PLBD2: variants seen among roughly 807,000 people sequenced by gnomAD.
PLBD2 encodes putative aminopeptidase PLBD2.
A neutral mutation model predicts 68.3 loss-of-function variants in PLBD2; 51 were observed. That is an observed-to-expected ratio of 0.75 (90% CI 0.60 to 0.94). The LOEUF (loss-of-function observed/expected upper bound fraction) is 0.94. Among genes scored for constraint, PLBD2 ranks in the 40% least tolerant of loss-of-function variants. The pLI is 0.00. For synonymous variants in PLBD2, 314 were observed against 339.3 expected (o/e 0.93, Z 0.82); for missense variants, 729 against 792.2 (o/e 0.92, Z 0.96).
In PLBD2 at chr12:113,388,832, G is replaced by A. The variant is rs1301616394; in HGVS notation, c.*206G>A. On this transcript the variant is annotated 3_prime_UTR_variant, in exon 12 of 12. Transcript: ENST00000280800. ...CTCTCCCCCGAGGTGGGTGGGCACC[G>A]TGGCGTCTCTTCTGCCCTGCCCTAA... 7.9e-6 allele frequency: 4 copies of A among 506,066 alleles called. No individual in the cohort carries two copies. Among genetic ancestry groups the A allele is most frequent in the African/African-American group, 2.0e-5 (1 of 50,048 alleles). 31.3% of individuals were successfully genotyped at this position (506,066 alleles called of 1,614,324 possible). A position where few individuals can be genotyped will look rare whatever the true frequency, so the allele number is the denominator to read the frequency against.
chr12:113,365,924 C>CA (rs1458416746), intron 1 of PLBD2, among the ~76,000 whole-genome samples: 1 of 152,204 alleles, frequency 6.6e-6, no homozygotes, highest in Non-Finnish European at 1.5e-5. Context: ...AACCCCTTGA[C>CA]ACTTTATTCG....
At chr12:113,365,262 C>T (rs548126858) in intron 1 of PLBD2, among the ~76,000 whole-genome samples, 2 of 152,228 alleles carry the variant, frequency 1.3e-5, no homozygotes, top group South Asian at 4.1e-4. Context: ...TATGTGGGAG[C>T]CTCGGTTCCC....
chr12:113,361,275 G>A (rs1440272337), intron 1 of PLBD2, among the ~76,000 whole-genome samples: 1 of 149,074 alleles, frequency 6.7e-6, no homozygotes, highest in Non-Finnish European at 1.5e-5. Flanking sequence ...GGATTATCAG[G>A]ATAAATTCTC....
At position 113,388,866 on chromosome 12, in the gene PLBD2, C is replaced by T. The variant is rs897610192; in HGVS notation, c.*240C>T. 2 of 417,156 alleles carry T rather than the reference C, an allele frequency of 4.8e-6. No individual in the cohort carries two copies. Among genetic ancestry groups the T allele is most frequent in the Non-Finnish European group, 8.4e-6 (2 of 237,482 alleles). 25.8% of individuals were successfully genotyped at this position (417,156 alleles called of 1,614,324 possible). ...CTTCTGCCCTGCCCTAAATCTCCCA[C>T]TCTCTGTTTCTGTCTGTTTCCTACT... On this transcript the variant is annotated 3_prime_UTR_variant, in exon 12 of 12. Coordinates refer to ENST00000280800, the MANE Select transcript of PLBD2 (RefSeq NM_173542.4).
At chr12:113,382,838 TG>T (rs1565863956) in intron 6 of PLBD2, among the ~76,000 whole-genome samples, 1,105 of 98,200 alleles carry the variant, frequency 0.011, 15 homozygotes, top group Middle Eastern at 0.042. Flanking sequence ...TGGTTTTTTG[TG>T]TGTGTGTGTG....
chr12:113,368,592 G>A (rs898652780), intron 1 of PLBD2, among the ~76,000 whole-genome samples: 10 of 152,202 alleles, frequency 6.6e-5, no homozygotes, highest in African/African-American at 2.4e-4. Flanking sequence ...CCCAAATGAA[G>A]GAGCAGGGAA....
At position 113,388,539 on chromosome 12, in the gene PLBD2, G is replaced by A. The variant is rs552412790; in HGVS notation, c.1683G>A (p.Gln561=). 2.5e-6 allele frequency: 4 copies of A among 1,611,676 alleles called. No homozygotes were observed. The South Asian group carries it at 4.4e-5, about 18-fold the overall frequency. ...GPTWDQVPPF[Q]WSTSPFSGLL... is the part of the protein sequence containing the mutation. Reference sequence around the variant, plus strand: ...CGTGGGACCAGGTGCCCCCGTTCCAGTGGAGCACCTCGCCCTTCAGCGGCC... The same window carrying A: ...CGTGGGACCAGGTGCCCCCGTTCCAATGGAGCACCTCGCCCTTCAGCGGCC... The change falls in exon 12 of 12, where the codon CAG becomes CAA. Residue 561 remains glutamine (Q), a synonymous_variant. Transcript: ENST00000280800.
At chr12:113,365,442 T>A (rs1221251761) in intron 1 of PLBD2, among the ~76,000 whole-genome samples, 2 of 151,302 alleles carry the variant, frequency 1.3e-5, no homozygotes, top group Non-Finnish European at 2.9e-5. Flanking sequence ...GTCACCAGAG[T>A]AGCTGGGACT....
chr12:113,388,298 C>T (rs1957573724), intron 11 of PLBD2, among the ~76,000 whole-genome samples, 161 bp from the exon 12 acceptor site: 1 of 151,604 alleles, frequency 6.6e-6, no homozygotes, highest in South Asian at 2.1e-4. Context: ...GCCAAGATCA[C>T]GTCACTGCAC....
chr12:113,381,496 G>A (rs1565863490), intron 6 of PLBD2, among the ~76,000 whole-genome samples: 1 of 152,236 alleles, frequency 6.6e-6, no homozygotes, highest in East Asian at 1.9e-4. Context: ...CACCCTTAGC[G>A]CAGAGAACGC....
chr12:113,384,345 G>T lies in PLBD2; in HGVS notation c.1118+80G>T. The stretch of plus-strand genomic sequence containing the variant: ...CCCCTTTAACACTCACACTCCTGGG[G>T]ACCAGATGTGGCATCCGGGCCACAC... On this transcript the variant is annotated intron_variant, in intron 7 of 11. Coordinates refer to ENST00000280800, the MANE Select transcript of PLBD2 (RefSeq NM_173542.4). The surrounding 1 kb of genome is among the most constrained non-coding windows in gnomAD (Gnocchi z 4.2). 6.7e-7 allele frequency: 1 copy of T among 1,499,118 alleles called. No individual in the cohort carries two copies. The highest frequency in any genetic ancestry group is 2.3e-5 in the East Asian group (1 of 43,690). The allele number at this position is 1,499,118 out of a possible 1,614,324, so 92.9% of individuals were successfully genotyped here. A position where few individuals can be genotyped will look rare whatever the true frequency, so the allele number is the denominator to read the frequency against.
intron 1 of PLBD2, among the ~76,000 whole-genome samples, chr12:113,361,341 G>GTTTTTTT (rs1371619529): frequency 9.0e-6 from 1 of 110,854 alleles, no homozygotes; most frequent in Non-Finnish European, 1.9e-5. Flanking sequence ...TTTTTTTTTT[G>GTTTTTTT]TTTTTTTTTT....
intron 1 of PLBD2, chr12:113,359,594 G>A (rs1369714680): frequency 6.6e-6 from 1 of 152,232 alleles, no homozygotes; most frequent in Non-Finnish European, 1.5e-5. Context: ...TCTGATGTGT[G>A]AGTCTCACCT....
Position 113,375,151 on chromosome 12 carries a change from T to A in PLBD2, c.859+144T>A, listed in dbSNP as rs1004572948. The A allele has an allele frequency of 5.1e-6, 4 of 782,030 alleles. No individual in the cohort carries two copies. In the East Asian group the frequency reaches 1.1e-4, roughly 21 times the overall value. The allele number at this position is 782,030 out of a possible 1,614,324, so 48.4% of individuals were successfully genotyped here. On this transcript the variant is annotated intron_variant, in intron 5 of 11. Transcript: ENST00000280800. ...ATTCCAAGAGTTCATTTTGGTTTTGTTTTTTTCTTTTTGAGTTGGGGTCTT... is the reference window on the plus strand; with the variant it reads ...ATTCCAAGAGTTCATTTTGGTTTTGATTTTTTCTTTTTGAGTTGGGGTCTT...
chr12:113,375,005 G>C lies in PLBD2; in HGVS notation c.857G>C (p.Trp286Ser). ...TGGCTCCAGTTCCGGGAAGGCCCCTGGGGTAGGTGGGTGTGGGTGTGTCTG... is the reference window on the plus strand; with the variant it reads ...TGGCTCCAGTTCCGGGAAGGCCCCTCGGGTAGGTGGGTGTGGGTGTGTCTG... ...KYWLQFREGP[W>S]GDYPLVPGNK... Residue 286 changes from tryptophan (W) to serine (S), a missense_variant and splice_region_variant, in exon 5 of 12, where the codon TGG becomes TCG. By Grantham distance (177) the Trp-to-Ser change is radical. Coordinates refer to ENST00000280800, the MANE Select transcript of PLBD2 (RefSeq NM_173542.4). The C allele has an allele frequency of 6.2e-7, 1 of 1,613,990 alleles. No homozygotes were observed. Among genetic ancestry groups the C allele is most frequent in the Non-Finnish European group, 8.5e-7 (1 of 1,179,974 alleles).
chr12:113,366,656 C>T (rs1046162688), intron 1 of PLBD2, among the ~76,000 whole-genome samples: 9 of 151,626 alleles, frequency 5.9e-5, no homozygotes, highest in Non-Finnish European at 7.4e-5. Context: ...TAAATTATTT[C>T]GTGTAGACAG....
chr12:113,374,386 C>T, intron 3 of PLBD2, 88 bp from the exon 4 acceptor site: 1 of 921,206 alleles, frequency 1.1e-6, no homozygotes, highest in Non-Finnish European at 1.7e-6. Flanking sequence ...TGTCTGAACC[C>T]CCAGGCCAGA....
chr12:113,364,642 G>A (rs1957326535), intron 1 of PLBD2, among the ~76,000 whole-genome samples: 1 of 151,838 alleles, frequency 6.6e-6, no homozygotes, highest in African/African-American at 2.4e-5. Flanking sequence ...TGTATTTTTT[G>A]TAGAGAGGGG....
chr12:113,387,906 G>A lies in PLBD2; in HGVS notation c.1602G>A (p.Lys534=). Residue 534 remains lysine, a splice_region_variant and synonymous_variant, in exon 11 of 12, where the codon AAG becomes AAA. Coordinates refer to ENST00000280800, the MANE Select transcript of PLBD2 (RefSeq NM_173542.4). ...GCTCCCATGGGGGTATCGATGTGAA[G>A]GTGCTGCCTCCTCCCTAGGGCCTGA... ...RQRSHGGIDV[K]VTSMSLARIL... 1 of 1,614,134 alleles carries A rather than the reference G, an allele frequency of 6.2e-7. No homozygotes were observed.
Sources: gnomAD v4.1 joint callset for allele counts (sites outside exome capture counted in the v4.1 genomes callset) on GRCh38, gnomAD v4.1.1 for gene constraint, Gnocchi (gnomAD v3.1) non-coding constraint, MANE v1.5 for transcripts, NCBI Gene and HGNC (gene_info 2026-07-23, HGNC 2026-07-21) for gene names.